CDH15: variants seen among roughly 807,000 people sequenced by gnomAD.
The protein encoded by CDH15 is cadherin-15.
A neutral mutation model predicts 69.4 loss-of-function variants in CDH15; 73 were observed. The ratio of observed to expected loss-of-function variants is 1.05; its 90% CI spans 0.87 to 1.28. The LOEUF is 1.28. Ranked by LOEUF, CDH15 falls within the 50% of genes most tolerant of loss-of-function variation. The probability of loss-of-function intolerance (pLI) is 0.00; values close to 1 mark genes in which losing one functional copy is unlikely to be tolerated. For synonymous variants in CDH15, 624 were observed against 507.7 expected, an observed-to-expected ratio of 1.23 and a Z score of -3.08; for missense variants, 1,343 against 1,133.6, an observed-to-expected ratio of 1.18 and a Z score of -2.65.
chr16:89,180,480 C>A, intron 3 of CDH15, 125 bp downstream of exon 3: 1 of 1,113,520 alleles, frequency 9.0e-7, no homozygotes, highest in Non-Finnish European at 1.3e-6. Flanking sequence ...AAGATCCAGG[C>A]ACCCTTAAGT....
At chr16:89,193,369 G>C in intron 11 of CDH15, 101 bp from the exon 12 acceptor site, 5 of 427,074 alleles carry the variant, frequency 1.2e-5, no homozygotes, top group Non-Finnish European at 2.0e-5. Context: ...CTGCTTACCA[G>C]CCTTGCCCCG....
intron 8 of CDH15, 41 bp downstream of exon 8, chr16:89,190,537 C>A: frequency 1.3e-6 from 2 of 1,562,336 alleles, no homozygotes; most frequent in Non-Finnish European, 8.7e-7. Context: ...AGGAGGCTAA[C>A]GGCCCCATTC....
chr16:89,180,077 C>A, intron 2 of CDH15, 123 bp from the exon 3 acceptor site: 1 of 1,062,208 alleles, frequency 9.4e-7, no homozygotes, highest in Non-Finnish European at 1.4e-6. Flanking sequence ...CAGGATCCGT[C>A]CTCCAGTCCT....
At position 89,187,285 on chromosome 16, in the gene CDH15, C is replaced by A. The variant is rs1172495547; in HGVS notation, c.664-144C>A. ...ATGCACTTAGGATCAGGGCAGGATT[C>A]TCAGGGCCACTTGGGGTCTTCAACA... On this transcript the variant is annotated intron_variant, in intron 5 of 13. Coordinates refer to ENST00000289746, the MANE Select transcript of CDH15 (RefSeq NM_004933.3). 4 of 892,280 alleles carry A rather than the reference C, an allele frequency of 4.5e-6. No homozygotes were observed. The Admixed American group carries it at 6.0e-5, about 13-fold the overall frequency. The allele number at this position is 892,280 out of a possible 1,614,324, so 55.3% of individuals were successfully genotyped here.
At position 89,188,076 on chromosome 16, in the gene CDH15, CTG is replaced by C. The variant is rs771961616; in HGVS notation, c.793-23_793-22del. 2.1e-5 allele frequency: 34 copies of C among 1,595,636 alleles called. 1 individual carries two copies. In the East Asian group the frequency reaches 4.3e-4, roughly 20 times the overall value. ...GCTGTCCCCCCAGCCCTGCTGGTAA[CTG>C]GGGCTGGGATCCCCCACCCAGTTCT... On this transcript the variant is annotated intron_variant, in intron 6 of 13. Transcript: ENST00000289746.
In CDH15 at chr16:89,190,224, C is replaced by T; in HGVS notation, c.979-19C>T. ...ACACTTGCGTTGGGCGGATGACGGGCTGTGCTTCCTTCCCTCAGGCCCTGG... is the reference window on the plus strand; with the variant it reads ...ACACTTGCGTTGGGCGGATGACGGGTTGTGCTTCCTTCCCTCAGGCCCTGG... On this transcript the variant is annotated intron_variant, in intron 7 of 13. Coordinates refer to ENST00000289746, the MANE Select transcript of CDH15 (RefSeq NM_004933.3). The T allele has an allele frequency of 2.5e-6, 4 of 1,610,088 alleles. No individual in the cohort carries two copies. The highest frequency in any genetic ancestry group is 3.4e-6 in the Non-Finnish European group (4 of 1,178,882).
chr16:89,193,619 G>T lies in CDH15; in HGVS notation c.1992+13G>T. ...GGAGGAGGACCAGGTGAGGGGGCAG[G>T]TGTGGGTGGGGAGGGGTCCCCAAGG... On this transcript the variant is annotated intron_variant, in intron 12 of 13. Transcript: ENST00000289746. 1 of 1,578,070 alleles carries T rather than the reference G, an allele frequency of 6.3e-7. No individual in the cohort carries two copies. Among genetic ancestry groups the T allele is most frequent in the South Asian group, 1.1e-5 (1 of 87,526 alleles).
At chr16:89,171,997 G>A in intron 1 of CDH15, 124 bp downstream of exon 1, 2 of 1,026,524 alleles carry the variant, frequency 1.9e-6, no homozygotes, top group South Asian at 2.9e-5. Flanking sequence ...GGGGGCCTGT[G>A]AGCGGAGTGG....
chr16:89,183,820 G>C, intron 4 of CDH15, 128 bp downstream of exon 4: 1 of 1,007,292 alleles, frequency 9.9e-7, no homozygotes, highest in East Asian at 2.6e-5. Flanking sequence ...AAGTCTCCGA[G>C]GCAGGTCCGT....
intron 5 of CDH15, among the ~76,000 whole-genome samples, chr16:89,187,066 G>A (rs1280733186): frequency 6.6e-6 from 1 of 150,840 alleles, no homozygotes; most frequent in Non-Finnish European, 1.5e-5. Flanking sequence ...CTTACCCCGG[G>A]CACACAAGGT....
At chr16:89,180,987 T>TTTTTTTTTTTTTTTTTG in intron 3 of CDH15, among the ~76,000 whole-genome samples, 2 of 149,898 alleles carry the variant, frequency 1.3e-5, no homozygotes, top group Admixed American at 6.6e-5. Flanking sequence ...TTTTTTTTTT[T>TTTTTTTTTTTTTTTTTG]GAGATGGAGC....
rs772111146 is a variant in CDH15, at chr16:89,191,864, G to T, written c.1585G>T (p.Gly529Cys). The change falls in exon 10 of 14, where the codon GGC (glycine) becomes TGC (cysteine). Residue 529 changes from glycine to cysteine, a missense_variant. Physicochemically the swap from Gly to Cys is radical, Grantham distance 159. Transcript: ENST00000289746. ...GCTGAGCCCCAGGCTCCCAGAGCTC[G>T]GCCGGAACTGGAGCCTCAGCCAGGT... ...FQLSPRLPEL[G>C]RNWSLSQVNV... The T allele has an allele frequency of 2.5e-6, 4 of 1,593,488 alleles. No homozygotes were observed. The East Asian group carries it at 6.8e-5, about 27-fold the overall frequency.
rs199724844 is a variant in CDH15, at chr16:89,190,339, C to T, written c.1075C>T (p.Gln359Ter). ...QAAALRAERG[Q>*]AKVRVHVQDT... ...GGCTGCCCTTAGGGCTGAGCGGGGC[C>T]AGGCCAAGGTCCGCGTGCATGTGCA... The change falls in exon 8 of 14, where the codon CAG becomes TAG. Residue 359 changes from glutamine to a stop codon, truncating the protein, a stop_gained. Coordinates refer to ENST00000289746, the MANE Select transcript of CDH15 (RefSeq NM_004933.3). LOFTEE classifies it high-confidence loss of function. 1.2e-5 allele frequency: 20 copies of T among 1,612,496 alleles called. No homozygotes were observed. Among genetic ancestry groups the T allele is most frequent in the Non-Finnish European group, 1.7e-5 (20 of 1,179,900 alleles).
In CDH15 at chr16:89,185,247, A is replaced by T. The variant is rs766440372; in HGVS notation, c.577A>T (p.Ile193Phe). The change falls in exon 5 of 14, where the codon ATC becomes TTC. Residue 193 changes from isoleucine (I) to phenylalanine (F), a missense_variant. Transcript: ENST00000289746. ...ETDNAALRFS[I>F]LQQGSPELFS... is the part of the protein sequence containing the mutation. ...GGACAACGCAGCGCTGCGGTTCTCC[A>T]TCCTGCAGCAGGGCAGCCCCGAGCT... 1 of 1,605,718 alleles carries T rather than the reference A, an allele frequency of 6.2e-7. No individual in the cohort carries two copies. The highest frequency in any genetic ancestry group is 1.7e-4 in the Middle Eastern group (1 of 6,052).
intron 3 of CDH15, among the ~76,000 whole-genome samples, chr16:89,180,945 G>T (rs529867394): frequency 7.2e-6 from 1 of 139,552 alleles, no homozygotes; most frequent in African/African-American, 2.7e-5. Context: ...GGATGGTCTC[G>T]ATCTCCTGAG....
intron 5 of CDH15, chr16:89,185,805 G>A: frequency 3.8e-6 from 1 of 261,108 alleles, no homozygotes; most frequent in Non-Finnish European, 7.7e-6. Flanking sequence ...CCAGGGCAGG[G>A]ACCCAAGCTC....
At chr16:89,173,376 A>G (rs1378694978) in intron 1 of CDH15, among the ~76,000 whole-genome samples, 12 of 152,112 alleles carry the variant, frequency 7.9e-5, no homozygotes, top group African/African-American at 2.9e-4. Context: ...AAAAGGCCCC[A>G]GGGGGCTCTG....
At chr16:89,176,479 G>A (rs1915258435) in intron 1 of CDH15, among the ~76,000 whole-genome samples, 1 of 152,208 alleles carries the variant, frequency 6.6e-6, no homozygotes, top group Non-Finnish European at 1.5e-5. Flanking sequence ...CCCCCTTCCA[G>A]CGGGGAGCTG....
In CDH15 at chr16:89,193,571, A is replaced by G. The variant is rs1187846562; in HGVS notation, c.1957A>G (p.Asn653Asp). The stretch of plus-strand genomic sequence containing the variant: ...GGACGACCTTCGAGACAATGTCCTC[A>G]ACTACGATGAGCAAGGAGGCGGGGA... Reference protein sequence around the residue: ...PQDDLRDNVLNYDEQGGGEED... With the variant: ...PQDDLRDNVLDYDEQGGGEED... Residue 653 changes from asparagine to aspartate, a missense_variant, in exon 12 of 14, where the codon AAC becomes GAC. By Grantham distance (23) the Asn-to-Asp change is conservative. Coordinates refer to ENST00000289746, the MANE Select transcript of CDH15 (RefSeq NM_004933.3). The G allele has an allele frequency of 1.2e-6, 2 of 1,609,286 alleles. No individual in the cohort carries two copies. Among genetic ancestry groups the G allele is most frequent in the Non-Finnish European group, 1.7e-6 (2 of 1,178,648 alleles).
Sources: allele counts gnomAD v4.1 joint callset (sites outside exome capture counted in the v4.1 genomes callset), GRCh38; gene constraint gnomAD v4.1.1; transcripts MANE v1.5; gene names NCBI Gene and HGNC (gene_info 2026-07-23, HGNC 2026-07-21).